The following ATXN7 variants were observed in gnomAD, a reference collection of about 807,000 sequenced individuals.
ATXN7 encodes the protein ataxin 7, also known as ataxin-7.
A neutral mutation model predicts 70.5 loss-of-function variants in ATXN7; 12 were observed. That is an observed-to-expected ratio of 0.17 (90% CI 0.11 to 0.28). The LOEUF is 0.28. ATXN7 is among the 10% of genes least tolerant of loss of function. ATXN7 has a pLI of 1.00. For synonymous variants in ATXN7, 498 were observed against 448.7 expected, an observed-to-expected ratio of 1.11 and a Z score of -1.39; for missense variants, 1,256 against 1,131.7, an observed-to-expected ratio of 1.11 and a Z score of -1.58.
At chr3:63,972,299 A>G (rs2075324509) in intron 5 of ATXN7, among the ~76,000 whole-genome samples, 1 of 152,234 alleles carries the variant, frequency 6.6e-6, no homozygotes, top group Non-Finnish European at 1.5e-5. Flanking sequence ...ATAGCCATGT[A>G]TAACCTTCAT....
intron 5 of ATXN7, among the ~76,000 whole-genome samples, chr3:63,953,230 T>G (rs940265358): frequency 1.3e-5 from 2 of 152,152 alleles, no homozygotes; most frequent in Non-Finnish European, 2.9e-5. Context: ...GGTTCTTCTA[T>G]AGATAGAGTG....
rs1420592666 is a variant in ATXN7, at chr3:63,999,631, C to T, written c.*164C>T. On this transcript the variant is annotated 3_prime_UTR_variant, in exon 13 of 13. Coordinates refer to ENST00000674280, the MANE Select transcript of ATXN7 (RefSeq NM_001377405.1). ...GGGCTGTTGTTTTAACGAGGATTTC[C>T]CTGAAGCTATGTCTCTAGCAGTGAG... The T allele has an allele frequency of 2.3e-6, 3 of 1,294,096 alleles. No homozygotes were observed. The highest frequency in any genetic ancestry group is 2.2e-6 in the Non-Finnish European group (2 of 912,588). 80.2% of individuals were successfully genotyped at this position (1,294,096 alleles called of 1,614,324 possible). A position where few individuals can be genotyped will look rare whatever the true frequency, so the allele number is the denominator to read the frequency against.
At chr3:63,939,975 A>AG (rs2074727237) in intron 4 of ATXN7, among the ~76,000 whole-genome samples, 1 of 152,052 alleles carries the variant, frequency 6.6e-6, no homozygotes, top group Non-Finnish European at 1.5e-5. Flanking sequence ...AAAAAAAAAA[A>AG]TCAGCAGTGA....
chr3:63,957,491 C>A lies in ATXN7; in HGVS notation c.499+5008C>A, dbSNP rs534091451. On this transcript the variant is annotated intron_variant, in intron 5 of 12. Transcript: ENST00000674280. ...TCAGACCACTTTTATTTAAATAAAT[C>A]AATTTACAAGGAAAATCTTAGTAGA... 3.9e-5 allele frequency among the ~76,000 whole-genome samples: 6 copies of A among 152,246 alleles called. No individual in the cohort carries two copies. In the South Asian group the frequency reaches 8.3e-4, roughly 21 times the overall value.
intron 5 of ATXN7, among the ~76,000 whole-genome samples, chr3:63,973,781 A>T (rs574769972): frequency 3.3e-5 from 5 of 151,998 alleles, no homozygotes; most frequent in Admixed American, 6.6e-5. Context: ...GGGAGAGGGG[A>T]ATAATTCCCC....
intron 8 of ATXN7, among the ~76,000 whole-genome samples, chr3:63,985,621 C>T (rs1393266871): frequency 6.6e-6 from 1 of 152,194 alleles, no homozygotes; most frequent in African/African-American, 2.4e-5. Context: ...TATCTGTTCT[C>T]TTCACCGTCA....
chr3:63,977,307 G>A (rs2075404404), intron 5 of ATXN7, among the ~76,000 whole-genome samples: 1 of 152,118 alleles, frequency 6.6e-6, no homozygotes, highest in South Asian at 2.1e-4. Context: ...GCAGAACTGA[G>A]GGTATTTAAT....
intron 11 of ATXN7, among the ~76,000 whole-genome samples, chr3:63,994,685 C>G (rs1397835282): frequency 6.6e-6 from 1 of 152,192 alleles, no homozygotes; most frequent in Admixed American, 6.5e-5. Context: ...CAGGGCTACC[C>G]CTTAAGTCAG....
chr3:63,937,341 G>A (rs921932577), intron 4 of ATXN7, among the ~76,000 whole-genome samples: 4 of 152,230 alleles, frequency 2.6e-5, no homozygotes, highest in South Asian at 4.1e-4. Flanking sequence ...AGTGCTGAAT[G>A]TGGGGAGGAA....
chr3:63,983,012 G>C lies in ATXN7; in HGVS notation c.1086G>C (p.Leu362Phe). The change falls in exon 8 of 13, where the codon TTG (leucine) becomes TTC (phenylalanine). Residue 362 changes from leucine to phenylalanine, a missense_variant. Leu to Phe is a conservative substitution (Grantham distance 22). Coordinates refer to ENST00000674280, the MANE Select transcript of ATXN7 (RefSeq NM_001377405.1). ...CCAAGAAGCCCTGCACCCGGTCTTT[G>C]ACATGCAAGGTAGGTGGACTCCTGA... ...LDTKKPCTRS[L>F]TCKTHSLTQR... The C allele has an allele frequency of 6.2e-7, 1 of 1,613,806 alleles. No individual in the cohort carries two copies. The highest frequency in any genetic ancestry group is 8.5e-7 in the Non-Finnish European group (1 of 1,179,806).
At chr3:63,912,097 C>G (rs1156535503) in intron 2 of ATXN7, 2 of 152,168 alleles carry the variant, frequency 1.3e-5, no homozygotes, top group Admixed American at 6.5e-5. Flanking sequence ...GGGAGCCGGC[C>G]GGGTGCCGCC....
intron 1 of ATXN7, among the ~76,000 whole-genome samples, chr3:63,892,488 C>T (rs1341771120): frequency 8.7e-5 from 13 of 149,904 alleles, no homozygotes; most frequent in Admixed American, 5.3e-4. Flanking sequence ...CACACACACA[C>T]ACACACCCAC....
At chr3:63,990,621 G>A (rs1211593682) in intron 10 of ATXN7, 117 bp from the exon 11 acceptor site, 19 of 1,500,292 alleles carry the variant, frequency 1.3e-5, no homozygotes, top group African/African-American at 1.1e-4. Context: ...CACAGCCTCC[G>A]GTACTCAGAG....
At chr3:63,932,939 A>G (rs535571259) in intron 4 of ATXN7, among the ~76,000 whole-genome samples, 2 of 152,282 alleles carry the variant, frequency 1.3e-5, no homozygotes, top group African/African-American at 4.8e-5. Flanking sequence ...TGGGTGTGCT[A>G]TTCTTGTTTA....
At chr3:63,997,500 G>C in intron 12 of ATXN7, 1 of 762,710 alleles carries the variant, frequency 1.3e-6, no homozygotes, top group Non-Finnish European at 2.2e-6. Flanking sequence ...TCTCTCTTAG[G>C]CTGTATTTTT....
chr3:63,895,867 A>G lies in ATXN7; in HGVS notation c.-110-2532A>G, dbSNP rs573411318. On this transcript the variant is annotated intron_variant, in intron 1 of 12. Coordinates refer to ENST00000674280, the MANE Select transcript of ATXN7 (RefSeq NM_001377405.1). ...CGGGAGATAAGTGGCCTCTTGGGTC[A>G]GATTCACTCTGAGCAGCACATTCAT... Among the ~76,000 whole-genome samples, 37 of 151,974 alleles carry G rather than the reference A, an allele frequency of 2.4e-4. 1 individual carries two copies. The South Asian group carries it at 7.7e-3, about 32-fold the overall frequency.
At chr3:63,905,429 T>C (rs9870576) in intron 2 of ATXN7, 23,151 of 152,084 alleles carry the variant, frequency 0.15, 1,983 homozygotes, top group East Asian at 0.36. Context: ...CAGGATGGTC[T>C]CGATCTCCTG....
rs112759850 is a variant in ATXN7, at chr3:64,000,218, AT to A, written c.*762del. 0.047 allele frequency: 5,944 copies of A among 126,838 alleles called. 286 individuals carry two copies. The highest frequency in any genetic ancestry group is 0.13 in the African/African-American group (4,622 of 35,512). 7.9% of individuals were successfully genotyped at this position (126,838 alleles called of 1,614,324 possible). ...CATGATACAAAAGCAATTCTGTGTG[AT>A]TTTTTTTTTTAAGAAGAAAGAAAAT... On this transcript the variant is annotated 3_prime_UTR_variant, in exon 13 of 13. Coordinates refer to ENST00000674280, the MANE Select transcript of ATXN7 (RefSeq NM_001377405.1).
At chr3:63,922,778 T>G (rs1365467900) in intron 4 of ATXN7, among the ~76,000 whole-genome samples, 2 of 152,218 alleles carry the variant, frequency 1.3e-5, no homozygotes, top group Non-Finnish European at 2.9e-5. Flanking sequence ...AATTACCTTG[T>G]TCTTTTTGGA....
Sources: allele counts gnomAD v4.1 joint callset (sites outside exome capture counted in the v4.1 genomes callset), GRCh38; gene constraint gnomAD v4.1.1; transcripts MANE v1.5; gene names NCBI Gene and HGNC (gene_info 2026-07-23, HGNC 2026-07-21).